GRIP1: variants seen among roughly 807,000 people sequenced by gnomAD.
GRIP1 encodes glutamate receptor-interacting protein 1.
A neutral mutation model predicts 129.9 loss-of-function variants in GRIP1; 45 were observed. The ratio of observed to expected loss-of-function variants is 0.35; its 90% CI spans 0.27 to 0.44. The LOEUF (loss-of-function observed/expected upper bound fraction) is 0.44, where lower values mean the gene tolerates loss of function less well. GRIP1 is among the 20% of genes least tolerant of loss of function. The pLI is 1.00. For synonymous variants in GRIP1, 530 were observed against 520.8 expected, an observed-to-expected ratio of 1.02 and a Z score of -0.24; for missense variants, 1,196 against 1,396.8, an observed-to-expected ratio of 0.86 and a Z score of 2.29.
intron 1 of GRIP1, among the ~76,000 whole-genome samples, chr12:66,845,425 A>G (rs1003892500): frequency 6.6e-6 from 1 of 152,144 alleles, no homozygotes; most frequent in African/African-American, 2.4e-5. Context: ...CCACTGCACT[A>G]CAGCCTGGGT....
intron 1 of GRIP1, among the ~76,000 whole-genome samples, chr12:66,688,389 A>G (rs2034857676): frequency 6.6e-6 from 1 of 152,220 alleles, no homozygotes; most frequent in Non-Finnish European, 1.5e-5. Context: ...TCAATTTTCA[A>G]GTGCTTTACA....
chr12:67,037,424 T>G (rs993844957), intron 1 of GRIP1: 1 of 151,338 alleles, frequency 6.6e-6, no homozygotes, highest in African/African-American at 2.4e-5. Context: ...AGCCAATTCT[T>G]GAAGTGCCTG....
chr12:66,444,725 C>T lies in GRIP1; in HGVS notation c.1546G>A (p.Gly516Arg). ...IEADSPAERC[G>R]VLQIGDRVMA... The stretch of plus-strand genomic sequence containing the variant: ...ACTCTGTCTCCAATCTGTAGCACCC[C>T]ACATCTAATTTAGAACCACATGTGA... Residue 516 changes from glycine to arginine, a missense_variant, in exon 13 of 25, where the codon GGG (glycine) becomes AGG (arginine). By Grantham distance (125) the Gly-to-Arg change is moderately radical. This residue lies in a region of GRIP1 where 508 missense variants were observed against 587.0 expected (regional missense o/e 0.87). Coordinates refer to ENST00000359742, the MANE Select transcript of GRIP1 (RefSeq NM_001366722.1). 6.2e-7 allele frequency: 1 copy of T among 1,613,960 alleles called. No individual in the cohort carries two copies. Among genetic ancestry groups the T allele is most frequent in the Non-Finnish European group, 8.5e-7 (1 of 1,179,922 alleles).
intron 1 of GRIP1, among the ~76,000 whole-genome samples, chr12:67,003,237 A>G (rs543822486): frequency 2.2e-4 from 34 of 152,316 alleles, no homozygotes; most frequent in African/African-American, 8.2e-4. Flanking sequence ...TTGTTTGAAC[A>G]GTTTTACATT....
chr12:66,757,592 T>A (rs769115454), intron 1 of GRIP1, among the ~76,000 whole-genome samples: 8 of 152,214 alleles, frequency 5.3e-5, no homozygotes, highest in Non-Finnish European at 1.2e-4. Context: ...ACTAATTTCC[T>A]TTCTTTTGGT....
At position 66,951,105 on chromosome 12, in the gene GRIP1, C is replaced by T. The variant is rs1022658170; in HGVS notation, c.58+117945G>A. Among the ~76,000 whole-genome samples, 7 of 151,906 alleles carry T rather than the reference C, an allele frequency of 4.6e-5. No homozygotes were observed. In the East Asian group the frequency reaches 9.7e-4, roughly 21 times the overall value. ...CCCACTGTCAAAGAGCTTATAGTTC[C>T]GCAAATCTTAATCAAATAAACTTAT... On this transcript the variant is annotated intron_variant, in intron 1 of 1. Transcript: ENST00000643019.
chr12:66,506,317 A>C, intron 7 of GRIP1, among the ~76,000 whole-genome samples: 1 of 152,232 alleles, frequency 6.6e-6, no homozygotes, highest in East Asian at 1.9e-4. Context: ...AAGTATTCAA[A>C]TTGTGATCTA....
At chr12:66,815,820 ATTTCTTTCTTTC>A (rs1002005391) in intron 1 of GRIP1, among the ~76,000 whole-genome samples, 19 of 118,630 alleles carry the variant, frequency 1.6e-4, no homozygotes, top group African/African-American at 6.3e-4. Flanking sequence ...AAGATGAAAG[ATTTCTTTCTTTC>A]TTTCTTTCTT....
intron 1 of GRIP1, among the ~76,000 whole-genome samples, chr12:67,039,370 T>C (rs12426782): frequency 0.21 from 32,194 of 152,180 alleles, 4,443 homozygotes; most frequent in Non-Finnish European, 0.29. Context: ...AAATTCTAAA[T>C]AGTGACTCTT....
upstream of GRIP1, among the ~76,000 whole-genome samples, chr12:66,808,735 A>T (rs901982292): frequency 2.0e-5 from 3 of 152,202 alleles, no homozygotes; most frequent in African/African-American, 7.2e-5. Context: ...ACTATTGATT[A>T]GAGCTGAGTG....
At chr12:66,821,005 T>G (rs1221764708) in intron 1 of GRIP1, among the ~76,000 whole-genome samples, 1 of 152,104 alleles carries the variant, frequency 6.6e-6, no homozygotes, top group African/African-American at 2.4e-5. Flanking sequence ...ACTATGGACT[T>G]TGGGAGATAA....
At chr12:66,723,296 CTTTCTTTCTTT>C (rs2036142005) in intron 1 of GRIP1, among the ~76,000 whole-genome samples, 38 of 22,074 alleles carry the variant, frequency 1.7e-3, no homozygotes, top group South Asian at 5.3e-3. Context: ...TTCTTTCTTT[CTTTCTTTCTTT>C]TTTTTTTTTT....
chr12:66,602,713 C>T (rs2064329662), intron 1 of GRIP1, among the ~76,000 whole-genome samples: 1 of 152,086 alleles, frequency 6.6e-6, no homozygotes, highest in Non-Finnish European at 1.5e-5. Context: ...CCCCTTCTAC[C>T]TTCCCTCCTC....
intron 1 of GRIP1, among the ~76,000 whole-genome samples, chr12:66,668,437 T>C (rs568139305): frequency 6.6e-6 from 1 of 152,238 alleles, no homozygotes; most frequent in Admixed American, 6.5e-5. Flanking sequence ...AATTTTGTCA[T>C]GCAGAATTAA....
chr12:66,444,726 A>G lies in GRIP1; in HGVS notation c.1545T>C (p.Cys515=). 6.2e-7 allele frequency: 1 copy of G among 1,614,050 alleles called. No homozygotes were observed. The highest frequency in any genetic ancestry group is 2.2e-5 in the East Asian group (1 of 44,870). Reference sequence around the variant, plus strand: ...CTCTGTCTCCAATCTGTAGCACCCCACATCTAATTTAGAACCACATGTGAG... The same window carrying G: ...CTCTGTCTCCAATCTGTAGCACCCCGCATCTAATTTAGAACCACATGTGAG... ...YIEADSPAER[C]GVLQIGDRVM... Residue 515 remains cysteine, a synonymous_variant, in exon 13 of 25, where the codon TGT becomes TGC. Transcript: ENST00000359742.
chr12:66,613,433 G>T (rs532824183), intron 1 of GRIP1, among the ~76,000 whole-genome samples: 9 of 152,186 alleles, frequency 5.9e-5, no homozygotes, highest in Admixed American at 3.3e-4. Flanking sequence ...GCATAGAAAG[G>T]TTCCTGTATG....
intron 1 of GRIP1, among the ~76,000 whole-genome samples, chr12:66,800,054 C>G (rs1240353705): frequency 6.6e-6 from 1 of 152,136 alleles, no homozygotes; most frequent in Non-Finnish European, 1.5e-5. Context: ...AATAATTTAG[C>G]TAACAATGAT....
intron 1 of GRIP1, among the ~76,000 whole-genome samples, chr12:66,852,000 A>T (rs1488989118): frequency 6.6e-6 from 1 of 152,082 alleles, no homozygotes; most frequent in Non-Finnish European, 1.5e-5. Flanking sequence ...TCCTCATCAC[A>T]TCATCATCCA....
chr12:66,928,380 C>A (rs1175896075), intron 1 of GRIP1, among the ~76,000 whole-genome samples: 3 of 152,186 alleles, frequency 2.0e-5, no homozygotes, highest in Admixed American at 2.0e-4. Flanking sequence ...TTATAAGATT[C>A]TTTTCCCTCT....
Sources: gnomAD v4.1 joint callset for allele counts (sites outside exome capture counted in the v4.1 genomes callset) on GRCh38, gnomAD v4.1.1 for gene constraint, gnomAD v4.1.1 regional missense constraint, MANE v1.5 for transcripts, NCBI Gene and HGNC (gene_info 2026-07-23, HGNC 2026-07-21) for gene names.